The following SPPL3 variants were observed in gnomAD, a reference collection of about 807,000 sequenced individuals.
SPPL3 encodes signal peptide peptidase like 3.
Under a neutral mutation model 42.4 loss-of-function variants are expected in SPPL3, and 5 were observed. The ratio of observed to expected loss-of-function variants is 0.12; its 90% CI spans 0.06 to 0.25. SPPL3 has a LOEUF of 0.25. Among genes scored for constraint, SPPL3 ranks in the 10% least tolerant of loss-of-function variants. The pLI is 1.00. For synonymous variants in SPPL3, 195 were observed against 181.8 expected, an observed-to-expected ratio of 1.07 and a Z score of -0.58; for missense variants, 235 against 489.0, an observed-to-expected ratio of 0.48 and a Z score of 4.90.
Position 120,903,869 on chromosome 12 carries a change from G to A in SPPL3, c.-2C>T, listed in dbSNP as rs765539334. The A allele has an allele frequency of 2.8e-5, 41 of 1,447,518 alleles. No individual in the cohort carries two copies. The African/African-American group carries it at 5.2e-4, about 18-fold the overall frequency. 89.7% of individuals were successfully genotyped at this position (1,447,518 alleles called of 1,614,324 possible). ...CCACGAGTAGGTCTGCTCCGCCATG[G>A]CGCTGCCTCTCGTGGGCTCCGCTGC... is the stretch of plus-strand genomic sequence containing the variant. On this transcript the variant is annotated 5_prime_UTR_variant, in exon 1 of 11. Coordinates refer to ENST00000353487, the MANE Select transcript of SPPL3 (RefSeq NM_139015.5).
chr12:120,842,209 G>A (rs542913774), intron 1 of SPPL3, among the ~76,000 whole-genome samples: 1 of 152,254 alleles, frequency 6.6e-6, no homozygotes, highest in African/African-American at 2.4e-5. Context: ...CATTTTTTAG[G>A]TAGATAAGAA....
At chr12:120,838,275 C>G (rs928992690) in intron 1 of SPPL3, among the ~76,000 whole-genome samples, 1 of 152,154 alleles carries the variant, frequency 6.6e-6, no homozygotes, top group Non-Finnish European at 1.5e-5. Context: ...TTTTCCTTAT[C>G]AGCTCTACAG....
At chr12:120,898,434 T>C (rs1873879275) in intron 1 of SPPL3, among the ~76,000 whole-genome samples, 1 of 151,686 alleles carries the variant, frequency 6.6e-6, no homozygotes, top group Admixed American at 6.6e-5. Context: ...ATGTAGCTTA[T>C]TTTGTTTATC....
chr12:120,897,659 G>A (rs1352893312), intron 1 of SPPL3, among the ~76,000 whole-genome samples: 1 of 152,114 alleles, frequency 6.6e-6, no homozygotes, highest in Non-Finnish European at 1.5e-5. Flanking sequence ...GAAGGCGGAG[G>A]TTGCAGTGAG....
chr12:120,871,768 A>G (rs1221648759), intron 1 of SPPL3, among the ~76,000 whole-genome samples: 2 of 152,138 alleles, frequency 1.3e-5, no homozygotes, highest in Non-Finnish European at 2.9e-5. Context: ...AGGGATAAAA[A>G]AAAAGGGCAC....
rs536737619 is a variant in SPPL3 at position 120,883,369 on chromosome 12, A to C, written c.23+20476T>G. Among the ~76,000 whole-genome samples the C allele has an allele frequency of 2.6e-5, 4 of 152,330 alleles. No homozygotes were observed. The South Asian group carries it at 6.2e-4, about 24-fold the overall frequency. On this transcript the variant is annotated intron_variant, in intron 1 of 10. Transcript: ENST00000353487. ...AGATGGATTAAAAACTTCTATGTGA[A>C]AGGCAAAGCTTGAACTCTAACCTAT... is the stretch of plus-strand genomic sequence containing the variant.
chr12:120,840,576 G>A (rs7309538), intron 1 of SPPL3, among the ~76,000 whole-genome samples: 13,449 of 151,946 alleles, frequency 0.089, 1,744 homozygotes, highest in African/African-American at 0.29. Context: ...GGCCAGATGC[G>A]GTGGCAGCAC....
At chr12:120,769,150 C>G in intron 6 of SPPL3, 91 bp from the exon 7 acceptor site, 1 of 1,002,398 alleles carries the variant, frequency 1.0e-6, no homozygotes, top group South Asian at 1.5e-5. Context: ...ACAGAGTTTG[C>G]AATTCCCTCA....
Position 120,763,001 on chromosome 12 carries a change from A to AGGG in SPPL3, c.*1995_*1997dup, listed in dbSNP as rs1286899944. 6.6e-6 allele frequency: 1 copy of AGGG among 152,380 alleles called. No homozygotes were observed. The highest frequency in any genetic ancestry group is 2.1e-4 in the South Asian group (1 of 4,820). The allele number at this position is 152,380 out of a possible 1,614,324, so 9.4% of individuals were successfully genotyped here. On this transcript the variant is annotated 3_prime_UTR_variant, in exon 11 of 11. Coordinates refer to ENST00000353487, the MANE Select transcript of SPPL3 (RefSeq NM_139015.5). ...ATCCTCGAGGGCTGAGAAGGAAGGA[A>AGGG]GGGAGAGTCCGCAAGTGGATTTTTA...
chr12:120,889,440 A>G, intron 1 of SPPL3, among the ~76,000 whole-genome samples: 1 of 152,244 alleles, frequency 6.6e-6, no homozygotes, highest in East Asian at 1.9e-4. Context: ...GGCCAAAAGA[A>G]TGGAGCAGAA....
chr12:120,840,277 CAAAAAAAAAAAAA>C (rs533134400), intron 1 of SPPL3, among the ~76,000 whole-genome samples: 34 of 44,176 alleles, frequency 7.7e-4, no homozygotes, highest in Non-Finnish European at 1.2e-3. Flanking sequence ...GACTCTGTCT[CAAAAAAAAAAAAA>C]AAAAAAAAAA....
At position 120,866,396 on chromosome 12, in the gene SPPL3, A is replaced by ATG. The variant is rs1566064546; in HGVS notation, c.23+37448_23+37449insCA. 3.3e-3 allele frequency among the ~76,000 whole-genome samples: 500 copies of ATG among 152,308 alleles called. 2 individuals carry two copies. Among genetic ancestry groups the ATG allele is most frequent in the African/African-American group, 0.012 (483 of 41,552 alleles). Reference sequence around the variant, plus strand: ...AACAACACATTAGGAAATTCCTATTACGCAAGGTTGGGACATATACCTCTA... The same window carrying ATG: ...AACAACACATTAGGAAATTCCTATTATGCGCAAGGTTGGGACATATACCTCTA... On this transcript the variant is annotated intron_variant, in intron 1 of 10. Transcript: ENST00000353487.
intron 9 of SPPL3, among the ~76,000 whole-genome samples, chr12:120,767,188 C>A (rs910380523): frequency 6.6e-6 from 1 of 152,182 alleles, no homozygotes; most frequent in African/African-American, 2.4e-5. Flanking sequence ...TTTCCTACAA[C>A]GTTCTTCAGA....
intron 2 of SPPL3, among the ~76,000 whole-genome samples, chr12:120,808,259 G>A (rs1230055350): frequency 1.3e-5 from 2 of 151,848 alleles, no homozygotes; most frequent in African/African-American, 4.8e-5. Context: ...TGCATATTTG[G>A]TAGATGGGGT....
At chr12:120,803,194 T>C (rs1870379950) in intron 2 of SPPL3, among the ~76,000 whole-genome samples, 1 of 152,228 alleles carries the variant, frequency 6.6e-6, no homozygotes, top group African/African-American at 2.4e-5. Flanking sequence ...TGTGAAACAC[T>C]AGTAACAGGA....
rs754148484 is a variant in SPPL3, at chr12:120,901,590, TAAAAAAAA to T, written c.23+2247_23+2254del. ...TGGGTGACAGAGCGAGACTCCGTCC[TAAAAAAAA>T]AAAAAAAAAAAAAGGAAACTGCCCA... is the stretch of plus-strand genomic sequence containing the variant. On this transcript the variant is annotated intron_variant, in intron 1 of 10. Coordinates refer to ENST00000353487, the MANE Select transcript of SPPL3 (RefSeq NM_139015.5). Among the ~76,000 whole-genome samples the T allele has an allele frequency of 4.8e-5, 5 of 103,448 alleles. No individual in the cohort carries two copies. In the South Asian group the frequency reaches 1.5e-3, roughly 31 times the overall value. The allele number at this position is 103,448 out of a possible 152,430, so 67.9% of individuals were successfully genotyped here. A position where few individuals can be genotyped will look rare whatever the true frequency, so the allele number is the denominator to read the frequency against.
chr12:120,820,368 T>C (rs1358393823), intron 1 of SPPL3, among the ~76,000 whole-genome samples: 2 of 140,896 alleles, frequency 1.4e-5, no homozygotes, highest in African/African-American at 5.5e-5. Context: ...CAGGCTGGAG[T>C]GCAATGGCAC....
chr12:120,792,516 A>G (rs2136986841), intron 2 of SPPL3, among the ~76,000 whole-genome samples: 1 of 152,058 alleles, frequency 6.6e-6, no homozygotes, highest in South Asian at 2.1e-4. Context: ...CCTGGCCAAC[A>G]TGGTGAAACC....
intron 1 of SPPL3, among the ~76,000 whole-genome samples, chr12:120,843,081 A>G (rs1297801436): frequency 6.6e-6 from 1 of 152,176 alleles, no homozygotes; most frequent in Non-Finnish European, 1.5e-5. Flanking sequence ...CAGATACAAG[A>G]GGACCTCTGT....
Sources: allele counts gnomAD v4.1 joint callset (sites outside exome capture counted in the v4.1 genomes callset), GRCh38; gene constraint gnomAD v4.1.1; transcripts MANE v1.5; gene names NCBI Gene and HGNC (gene_info 2026-07-23, HGNC 2026-07-21).